DENND2A: variants seen among roughly 807,000 people sequenced by gnomAD.
The protein encoded by DENND2A is DENN domain containing 2A.
Under a neutral mutation model 105.3 loss-of-function variants are expected in DENND2A, and 53 were observed. That is an observed-to-expected ratio of 0.50 (90% CI 0.40 to 0.63). DENND2A has a LOEUF of 0.63. DENND2A is among the 30% of genes least tolerant of loss of function. The pLI is 0.00. For missense variants in DENND2A, 1,138 were observed against 1,279.6 expected (o/e 0.89, Z 1.69); for synonymous variants, 522 against 508.4 (o/e 1.03, Z -0.36).
At chr7:140,596,295 C>T (rs1036339990) in intron 3 of DENND2A, among the ~76,000 whole-genome samples, 3 of 152,210 alleles carry the variant, frequency 2.0e-5, no homozygotes, top group African/African-American at 7.2e-5. Context: ...AATCAAGTTT[C>T]TCAGAAGCTT....
At chr7:140,615,094 T>C (rs1015374019) in intron 1 of DENND2A, among the ~76,000 whole-genome samples, 2 of 152,162 alleles carry the variant, frequency 1.3e-5, no homozygotes, top group African/African-American at 4.8e-5. Flanking sequence ...CTCGAACTCC[T>C]GGCCTCAAGC....
At position 140,567,141 on chromosome 7, in the gene DENND2A, T is replaced by C; in HGVS notation, c.1724A>G (p.Lys575Arg). ...CACGTAGGCAGCCCCGGCCTGCTTC[T>C]TGTGCAAAGACACAACCACAAAGTA... ...FEYFVVVSLH[K>R]KQAGAAYVPE... is the part of the protein sequence containing the mutation. The change falls in exon 9 of 20, where the codon AAG becomes AGG. Residue 575 changes from lysine (K) to arginine (R), a missense_variant. Coordinates refer to ENST00000496613, the MANE Select transcript of DENND2A (RefSeq NM_015689.5). 6.2e-7 allele frequency: 1 copy of C among 1,612,042 alleles called. No individual in the cohort carries two copies. The highest frequency in any genetic ancestry group is 8.5e-7 in the Non-Finnish European group (1 of 1,179,198).
At position 140,556,010 on chromosome 7, in the gene DENND2A, T is replaced by C. The variant is rs1227342020; in HGVS notation, c.1960-297A>G. On this transcript the variant is annotated intron_variant, in intron 11 of 19. Coordinates refer to ENST00000496613, the MANE Select transcript of DENND2A (RefSeq NM_015689.5). ...AACAAAAAAAAATCAATCTCAATAC[T>C]TTTTTTGTTTTGTTTTGTTTTGTTT... is the stretch of plus-strand genomic sequence containing the variant. Among the ~76,000 whole-genome samples the C allele has an allele frequency of 3.3e-5, 5 of 152,122 alleles. No individual in the cohort carries two copies. The East Asian group carries it at 5.8e-4, about 18-fold the overall frequency.
chr7:140,528,900 T>C (rs1585557359), intron 14 of DENND2A, among the ~76,000 whole-genome samples: 1 of 151,982 alleles, frequency 6.6e-6, no homozygotes, highest in Non-Finnish European at 1.5e-5. Context: ...GGTCAGAAGT[T>C]CAAGACCAGG....
At position 140,637,675 on chromosome 7, in the gene DENND2A, A is replaced by G. The variant is rs74536511; in HGVS notation, c.-248+2829T>C. ...CCTGGGAAGTGGACTTGCCCATATG[A>G]ATGGAATCCTATAATGCTGTGTGAA... On this transcript the variant is annotated intron_variant, in intron 1 of 19. Transcript: ENST00000496613. Among the ~76,000 whole-genome samples, 1,471 of 152,144 alleles carry G rather than the reference A, an allele frequency of 9.7e-3. 21 individuals are homozygous for G. Among genetic ancestry groups the G allele is most frequent in the African/African-American group, 0.033 (1,372 of 41,466 alleles).
chr7:140,557,235 T>G (rs916533391), intron 11 of DENND2A, among the ~76,000 whole-genome samples: 9 of 151,506 alleles, frequency 5.9e-5, no homozygotes, highest in African/African-American at 2.2e-4. Context: ...CAAGATCCTG[T>G]CTCTACAAAT....
chr7:140,572,262 C>T (rs1798122999), intron 6 of DENND2A, among the ~76,000 whole-genome samples: 1 of 151,970 alleles, frequency 6.6e-6, no homozygotes, highest in Admixed American at 6.6e-5. Context: ...CTATCTTGGC[C>T]TCCCAAAGTG....
At chr7:140,593,734 C>T (rs767800934) in intron 3 of DENND2A, among the ~76,000 whole-genome samples, 1 of 152,092 alleles carries the variant, frequency 6.6e-6, no homozygotes, top group Admixed American at 6.6e-5. Flanking sequence ...GTTTTACCTC[C>T]AAAGCATCTC....
At chr7:140,542,180 T>C (rs555427917) in intron 14 of DENND2A, among the ~76,000 whole-genome samples, 2 of 152,304 alleles carry the variant, frequency 1.3e-5, no homozygotes, top group Admixed American at 6.5e-5. Context: ...CACGCTTCTG[T>C]GCCCCCAGTT....
intron 5 of DENND2A, among the ~76,000 whole-genome samples, chr7:140,583,926 GAAAA>G (rs35931795): frequency 1.9e-5 from 2 of 107,600 alleles, no homozygotes; most frequent in African/African-American, 4.2e-5. Context: ...ACTCCGTCTC[GAAAA>G]AAAAAAAAAA....
intron 14 of DENND2A, chr7:140,544,193 T>A (rs1029937600): frequency 3.4e-5 from 9 of 265,112 alleles, no homozygotes; most frequent in Non-Finnish European, 6.0e-5. Context: ...TGCCTGGCCA[T>A]CCTTTATTTG....
At chr7:140,628,867 C>A (rs1563188266) in intron 1 of DENND2A, among the ~76,000 whole-genome samples, 1 of 152,044 alleles carries the variant, frequency 6.6e-6, no homozygotes, top group South Asian at 2.1e-4. Flanking sequence ...TTAATCTGAG[C>A]CAGCATTGAT....
Position 140,523,826 on chromosome 7 carries a change from G to C in DENND2A, c.2548-402C>G, listed in dbSNP as rs1374407230. Among the ~76,000 whole-genome samples the C allele has an allele frequency of 6.6e-6, 1 of 152,250 alleles. No individual in the cohort carries two copies. Among genetic ancestry groups the C allele is most frequent in the South Asian group, 2.1e-4 (1 of 4,826 alleles). On this transcript the variant is annotated intron_variant, in intron 16 of 19. Coordinates refer to ENST00000496613, the MANE Select transcript of DENND2A (RefSeq NM_015689.5). The surrounding 1 kb of genome is among the most constrained non-coding windows in gnomAD (Gnocchi z 4.5). ...GACCTCAGGTGATCCGCCCACCTTG[G>C]TCTCCCAAAGTGCTGGGATTACAGG...
intron 7 of DENND2A, 34 bp from the exon 8 acceptor site, chr7:140,568,847 TGTGAGTTCTTCTCATGTAG>T: frequency 6.2e-7 from 1 of 1,606,058 alleles, no homozygotes. Context: ...AAATTGCAAA[TGTGAGTTCTTCTCATGTAG>T]GAAACTCTTT....
At chr7:140,522,203 C>T in intron 17 of DENND2A, 103 bp from the exon 18 acceptor site, 5 of 1,432,750 alleles carry the variant, frequency 3.5e-6, no homozygotes, top group South Asian at 1.4e-5. Context: ...ACTGCTAGTT[C>T]CCTTGATGGA....
intron 10 of DENND2A, 113 bp from the exon 11 acceptor site, chr7:140,558,325 G>T: frequency 1.3e-6 from 1 of 755,796 alleles, no homozygotes; most frequent in Non-Finnish European, 2.2e-6. Context: ...GCAGGAGGCT[G>T]TAGGAAAGGC....
In DENND2A at chr7:140,627,573, T is replaced by C. The variant is rs778019829; in HGVS notation, c.-248+12931A>G. Among the ~76,000 whole-genome samples the C allele has an allele frequency of 5.3e-5, 8 of 151,824 alleles. No homozygotes were observed. The East Asian group carries it at 9.7e-4, about 18-fold the overall frequency. ...GATCTTACTCTGTCACCCAGGATGA[T>C]TGCAGTGGTGCAATCACAGTTCACT... On this transcript the variant is annotated intron_variant, in intron 1 of 19. Coordinates refer to ENST00000496613, the MANE Select transcript of DENND2A (RefSeq NM_015689.5).
intron 14 of DENND2A, among the ~76,000 whole-genome samples, chr7:140,533,118 A>G (rs560984164): frequency 1.9e-4 from 29 of 151,068 alleles, no homozygotes; most frequent in Admixed American, 1.6e-3. Context: ...CAGCCTCCCA[A>G]GCAGCTGGGA....
In DENND2A at chr7:140,637,272, A is replaced by G. The variant is rs184919323; in HGVS notation, c.-248+3232T>C. On this transcript the variant is annotated intron_variant, in intron 1 of 19. Coordinates refer to ENST00000496613, the MANE Select transcript of DENND2A (RefSeq NM_015689.5). The stretch of plus-strand genomic sequence containing the variant: ...ACCCCAAGATTAAAAATGTTAAGAA[A>G]TCTGATTGGAGGGGTAGAATCCCAC... Among the ~76,000 whole-genome samples, 3 of 152,342 alleles carry G rather than the reference A, an allele frequency of 2.0e-5. No individual in the cohort carries two copies. The East Asian group carries it at 5.8e-4, about 29-fold the overall frequency.
Sources: gnomAD v4.1 joint callset for allele counts (sites outside exome capture counted in the v4.1 genomes callset) on GRCh38, gnomAD v4.1.1 for gene constraint, Gnocchi (gnomAD v3.1) non-coding constraint, MANE v1.5 for transcripts, NCBI Gene and HGNC (gene_info 2026-07-23, HGNC 2026-07-21) for gene names.